Variants in CENPV observed in about 807,000 individuals in gnomAD.
CENPV encodes the protein nuclear protein p30.
A neutral mutation model predicts 26.4 loss-of-function variants in CENPV; 15 were observed. The observed-to-expected ratio is 0.57, with a 90% CI of 0.38 to 0.88. CENPV has a LOEUF of 0.88. Among genes scored for constraint, CENPV ranks in the 40% least tolerant of loss-of-function variants. The pLI, the probability that CENPV is intolerant of heterozygous loss-of-function variation, is 0.00. For missense variants in CENPV, 336 were observed against 376.5 expected (o/e 0.89, Z 0.89); for synonymous variants, 172 against 165.5 (o/e 1.04, Z -0.30).
Position 16,352,999 on chromosome 17 carries a change from C to T in CENPV, c.410+28G>A, listed in dbSNP as rs1413250850. The T allele has an allele frequency of 4.6e-6, 7 of 1,526,976 alleles. No homozygotes were observed. The East Asian group carries it at 1.1e-4, about 23-fold the overall frequency. 94.6% of individuals were successfully genotyped at this position (1,526,976 alleles called of 1,614,324 possible). ...CGAGGGGGTCCGCGTGGCAACGGCT[C>T]CCGCGCCCCCCGGCCCGCCGCACTC... is the stretch of plus-strand genomic sequence containing the variant. On this transcript the variant is annotated intron_variant, in intron 1 of 4. Coordinates refer to ENST00000299736, the MANE Select transcript of CENPV (RefSeq NM_181716.3).
At chr17:16,351,725 G>C (rs1346219693) in intron 1 of CENPV, 1 of 152,098 alleles carries the variant, frequency 6.6e-6, no homozygotes, top group African/African-American at 2.4e-5. Context: ...GAGAAAAACA[G>C]CTTTTTTATG....
chr17:16,351,769 C>G (rs914985435), intron 1 of CENPV: 1 of 152,122 alleles, frequency 6.6e-6, no homozygotes, highest in African/African-American at 2.4e-5. Flanking sequence ...GACCATTTAT[C>G]AGTTTGTCTT....
chr17:16,347,005 C>T (rs1298300990), intron 3 of CENPV, among the ~76,000 whole-genome samples: 1 of 151,812 alleles, frequency 6.6e-6, no homozygotes, highest in Non-Finnish European at 1.5e-5. Flanking sequence ...CATGCAACAC[C>T]ACACCTAGCC....
intron 2 of CENPV, chr17:16,349,531 T>C: frequency 1.0e-6 from 1 of 994,162 alleles, no homozygotes; most frequent in Non-Finnish European, 1.2e-6. Flanking sequence ...CCTCCAGGTG[T>C]ATACACCCTT....
In CENPV at chr17:16,348,642, G is replaced by A; in HGVS notation, c.553C>T (p.Pro185Ser). The change falls in exon 3 of 5, where the codon CCA becomes TCA. Residue 185 changes from proline (P) to serine (S), a missense_variant. By Grantham distance (74) the Pro-to-Ser change is moderately conservative (BLOSUM62 -1). This residue lies in a region of CENPV where 155 missense variants were observed against 227.8 expected (regional missense o/e 0.68). Coordinates refer to ENST00000299736, the MANE Select transcript of CENPV (RefSeq NM_181716.3). ...TTCAGGAGCTTGAAGCGAGAAGCTG[G>A]AACAATGAAGTGTCTATTCTGCTTC... The part of the protein sequence containing the change: ...KKKQNRHFIV[P>S]ASRFKLLKGA... 1 of 1,614,042 alleles carries A rather than the reference G, an allele frequency of 6.2e-7. No individual in the cohort carries two copies. The highest frequency in any genetic ancestry group is 1.3e-5 in the African/African-American group (1 of 75,034).
chr17:16,345,843 G>A (rs771688732), intron 3 of CENPV, among the ~76,000 whole-genome samples: 13 of 152,092 alleles, frequency 8.5e-5, no homozygotes, highest in Non-Finnish European at 7.4e-5. Flanking sequence ...CAAACAGAAC[G>A]GCTCAAGGTC....
intron 2 of CENPV, 180 bp downstream of exon 2, chr17:16,349,751 A>T: frequency 7.1e-7 from 1 of 1,405,834 alleles, no homozygotes; most frequent in Non-Finnish European, 9.3e-7. Flanking sequence ...CTCTGTGATG[A>T]GCCATATAAA....
rs1251474822 is a variant in CENPV, at chr17:16,342,897, C to T, written c.739G>A (p.Val247Ile). 1.2e-6 allele frequency: 2 copies of T among 1,614,174 alleles called. No homozygotes were observed. The highest frequency in any genetic ancestry group is 2.2e-5 in the South Asian group (2 of 91,080). The change falls in exon 5 of 5, where the codon GTC becomes ATC. Residue 247 changes from valine to isoleucine, a missense_variant. By Grantham distance (29) the Val-to-Ile change is conservative. Transcript: ENST00000299736. ...TCGCTGCCATTGAATTCCTCAGTGA[C>T]CATACTCCGCACAGTGCCCTCATCC... ...CLDEGTVRSM[V>I]TEEFNGSDWE...
chr17:16,342,695 C>T lies in CENPV; in HGVS notation c.*122G>A. 3 of 1,148,882 alleles carry T rather than the reference C, an allele frequency of 2.6e-6. No individual in the cohort carries two copies. In the Admixed American group the frequency reaches 5.7e-5, roughly 22 times the overall value. 71.2% of individuals were successfully genotyped at this position (1,148,882 alleles called of 1,614,324 possible). ...AGCAAACTGCAGAGATCAAGATGAC[C>T]CTAGTCAACGGAACCAGCAGCCCAG... On this transcript the variant is annotated 3_prime_UTR_variant, in exon 5 of 5. Transcript: ENST00000299736.
chr17:16,342,912 T>G lies in CENPV; in HGVS notation c.724A>C (p.Thr242Pro). The stretch of plus-strand genomic sequence containing the variant: ...TCCTCAGTGACCATACTCCGCACAG[T>G]GCCCTCATCCAGGCAGTGGGGGGCA... ...GIAPHCLDEG[T>P]VRSMVTEEFN... The change falls in exon 5 of 5, where the codon ACT becomes CCT. Residue 242 changes from threonine to proline, a missense_variant. Physicochemically the swap from Thr to Pro is conservative, Grantham distance 38 (BLOSUM62 -1). Around this residue, in one of 2 missense-constraint regions of CENPV, gnomAD observed 155 missense variants for 227.8 expected, o/e 0.68. Transcript: ENST00000299736. The G allele has an allele frequency of 6.2e-7, 1 of 1,614,206 alleles. No individual in the cohort carries two copies. Among genetic ancestry groups the G allele is most frequent in the Non-Finnish European group, 8.5e-7 (1 of 1,180,030 alleles).
At position 16,344,643 on chromosome 17, in the gene CENPV, A is replaced by G. The variant is rs2093197408; in HGVS notation, c.648T>C (p.Cys216=). 2.5e-6 allele frequency: 4 copies of G among 1,600,892 alleles called. No homozygotes were observed. The highest frequency in any genetic ancestry group is 3.4e-6 in the Non-Finnish European group (4 of 1,174,224). Residue 216 remains cysteine, a synonymous_variant, in exon 4 of 5, where the codon TGT becomes TGC. Coordinates refer to ENST00000299736, the MANE Select transcript of CENPV (RefSeq NM_181716.3). ...HKAQHTFCKR[C]GVQSFYTPRS... ...GTGGAGTATAGAAGCTCTGAACGCCACATCTCTTACAGAAGGTATGCTGGG... is the reference window on the plus strand; with the variant it reads ...GTGGAGTATAGAAGCTCTGAACGCCGCATCTCTTACAGAAGGTATGCTGGG...
chr17:16,350,788 G>A (rs1158129276), intron 1 of CENPV: 1 of 152,156 alleles, frequency 6.6e-6, no homozygotes, highest in African/African-American at 2.4e-5. Flanking sequence ...AGGCTGCTAT[G>A]AAAAATAAGA....
At chr17:16,345,405 C>CA (rs1216700050) in intron 3 of CENPV, among the ~76,000 whole-genome samples, 2 of 144,796 alleles carry the variant, frequency 1.4e-5, no homozygotes, top group African/African-American at 5.7e-5. Flanking sequence ...CCTGTTTCTA[C>CA]AAAAAAATAT....
chr17:16,343,328 A>G lies in CENPV; in HGVS notation c.695-387T>C, dbSNP rs953459108. On this transcript the variant is annotated intron_variant, in intron 4 of 4. Coordinates refer to ENST00000299736, the MANE Select transcript of CENPV (RefSeq NM_181716.3). The stretch of plus-strand genomic sequence containing the variant: ...ACAGGCCTTTCCTGTGTTTAGATAG[A>G]TAACTTTCTTTCCTTTTTTTTCAGA... Among the ~76,000 whole-genome samples the G allele has an allele frequency of 3.3e-5, 5 of 152,154 alleles. No individual in the cohort carries two copies. The East Asian group carries it at 9.6e-4, about 29-fold the overall frequency.
chr17:16,343,567 G>A (rs2093191815), intron 4 of CENPV, among the ~76,000 whole-genome samples: 1 of 152,086 alleles, frequency 6.6e-6, no homozygotes, highest in Non-Finnish European at 1.5e-5. Context: ...CCCGACCTCA[G>A]GTGAGCCACC....
Position 16,353,399 on chromosome 17 carries a change from C to T in CENPV, c.38G>A (p.Arg13His), listed in dbSNP as rs1351205787. The change falls in exon 1 of 5, where the codon CGC (arginine) becomes CAC (histidine). Residue 13 changes from arginine (R) to histidine (H), a missense_variant. Physicochemically the swap from Arg to His is conservative, Grantham distance 29. Transcript: ENST00000299736. Reference sequence around the variant, plus strand: ...GGAGGCCCCGGACCGCTTCTGCCCGCGCAGCTTGGCGGCCGCAGAGCTCCT... The same window carrying T: ...GGAGGCCCCGGACCGCTTCTGCCCGTGCAGCTTGGCGGCCGCAGAGCTCCT... ...RSRSSAAAKLRGQKRSGASAA... is the reference protein window; with the variant it reads ...RSRSSAAAKLHGQKRSGASAA... 7.7e-6 allele frequency: 8 copies of T among 1,043,766 alleles called. No individual in the cohort carries two copies. Among genetic ancestry groups the T allele is most frequent in the Admixed American group, 1.0e-4 (2 of 20,048 alleles). 64.7% of individuals were successfully genotyped at this position (1,043,766 alleles called of 1,614,324 possible).
Position 16,344,609 on chromosome 17 carries a change from G to A in CENPV, c.682C>T (p.Pro228Ser), listed in dbSNP as rs749951941. ...CCCCTTTACTCACCGAAGCCTCCGG[G>A]GTTTGATCGTGGAGTATAGAAGCTC... ...VQSFYTPRSN[P>S]GGFGIAPHCL... Residue 228 changes from proline to serine, a missense_variant, in exon 4 of 5, where the codon CCC (proline) becomes TCC (serine). Pro to Ser is a moderately conservative substitution (Grantham distance 74). Around this residue, in one of 2 missense-constraint regions of CENPV, gnomAD observed 155 missense variants for 227.8 expected, o/e 0.68. Coordinates refer to ENST00000299736, the MANE Select transcript of CENPV (RefSeq NM_181716.3). 4.4e-6 allele frequency: 7 copies of A among 1,577,130 alleles called. No individual in the cohort carries two copies. Among genetic ancestry groups the A allele is most frequent in the Non-Finnish European group, 5.2e-6 (6 of 1,164,412 alleles).
At chr17:16,348,513 G>A (rs2093216824) in intron 3 of CENPV, 103 bp downstream of exon 3, 2 of 1,576,486 alleles carry the variant, frequency 1.3e-6, no homozygotes, top group Non-Finnish European at 1.7e-6. Flanking sequence ...CTATGCTCCA[G>A]GCCCCTCCCA....
At chr17:16,348,533 C>T (rs543849083) in intron 3 of CENPV, 83 bp downstream of exon 3, 15 of 1,593,782 alleles carry the variant, frequency 9.4e-6, no homozygotes, top group South Asian at 3.4e-5. Flanking sequence ...ATGCTACAGA[C>T]GGCATGCTAA....
Sources: gnomAD v4.1 joint callset for allele counts (sites outside exome capture counted in the v4.1 genomes callset) on GRCh38, gnomAD v4.1.1 for gene constraint, gnomAD v4.1.1 regional missense constraint, MANE v1.5 for transcripts, NCBI Gene and HGNC (gene_info 2026-07-23, HGNC 2026-07-21) for gene names.